SPECC1L: variants seen among roughly 807,000 people sequenced by gnomAD.
The protein encoded by SPECC1L is sperm antigen with calponin homology and coiled-coil domains 1 like.
Under a neutral mutation model 116.8 loss-of-function variants are expected in SPECC1L, and 40 were observed. That is an observed-to-expected ratio of 0.34 (90% CI 0.27 to 0.45). SPECC1L has a LOEUF of 0.45. SPECC1L is among the 20% of genes least tolerant of loss of function. SPECC1L has a pLI of 1.00. For missense variants in SPECC1L, 1,110 were observed against 1,373.6 expected (o/e 0.81, Z 3.03); for synonymous variants, 504 against 500.6 (o/e 1.01, Z -0.09).
At chr22:24,349,232 G>T (rs1166863184) in intron 11 of SPECC1L, among the ~76,000 whole-genome samples, 4 of 152,092 alleles carry the variant, frequency 2.6e-5, no homozygotes, top group Admixed American at 6.5e-5. Flanking sequence ...GTAGAGACGG[G>T]GTTTTGCCAT....
rs55839933 is a variant in SPECC1L, at chr22:24,355,949, A to G, written c.2744-7312A>G. On this transcript the variant is annotated intron_variant, in intron 11 of 16. Coordinates refer to ENST00000314328, the MANE Select transcript of SPECC1L (RefSeq NM_015330.6). ...ACACAGTTCTGTACACAAGAGTTCCATCACCCCCAAAATTCCTTCATGCTG... is the reference window on the plus strand; with the variant it reads ...ACACAGTTCTGTACACAAGAGTTCCGTCACCCCCAAAATTCCTTCATGCTG... Among the ~76,000 whole-genome samples, 1,119 of 151,918 alleles carry G rather than the reference A, an allele frequency of 7.4e-3. 5 individuals carry two copies. The highest frequency in any genetic ancestry group is 0.012 in the South Asian group (59 of 4,814).
At chr22:24,281,628 G>A (rs936973540) in intron 2 of SPECC1L, among the ~76,000 whole-genome samples, 5 of 151,978 alleles carry the variant, frequency 3.3e-5, no homozygotes, top group Admixed American at 6.6e-5. Flanking sequence ...ATAATACTTG[G>A]TTTTTGTGTA....
At chr22:24,323,909 A>G (rs1289333877) in intron 5 of SPECC1L, among the ~76,000 whole-genome samples, 3 of 152,356 alleles carry the variant, frequency 2.0e-5, no homozygotes, top group African/African-American at 7.2e-5. Context: ...CATTAAACAA[A>G]CGTACATGCT....
rs186867257 is a variant in SPECC1L, at chr22:24,355,920, A to C, written c.2744-7341A>C. ...CACATAGCCATTTGTCTGTCATCAT[A>C]GTTACACAGTTCTGTACACAAGAGT... On this transcript the variant is annotated intron_variant, in intron 11 of 16. Transcript: ENST00000314328. Among the ~76,000 whole-genome samples the C allele has an allele frequency of 7.3e-4, 111 of 151,430 alleles. 1 individual carries two copies. Among genetic ancestry groups the C allele is most frequent in the African/African-American group, 2.6e-3 (107 of 41,218 alleles).
At chr22:24,375,318 A>C (rs886153559) in intron 14 of SPECC1L, among the ~76,000 whole-genome samples, 1 of 152,298 alleles carries the variant, frequency 6.6e-6, no homozygotes, top group East Asian at 1.9e-4. Flanking sequence ...TTCCTAACTC[A>C]TTCTGTGAGG....
chr22:24,401,265 G>C (rs2042468059), intron 14 of SPECC1L, among the ~76,000 whole-genome samples: 1 of 152,160 alleles, frequency 6.6e-6, no homozygotes, highest in East Asian at 1.9e-4. Flanking sequence ...GGGATTGATT[G>C]TGCATCCTAC....
At chr22:24,344,616 AAAAG>A (rs796376197) in intron 10 of SPECC1L, among the ~76,000 whole-genome samples, 1 of 151,682 alleles carries the variant, frequency 6.6e-6, no homozygotes, top group South Asian at 2.1e-4. Context: ...AAAAAGAAAG[AAAAG>A]CATACAAGTT....
chr22:24,406,518 C>T (rs1374209256), intron 14 of SPECC1L, among the ~76,000 whole-genome samples: 6 of 152,182 alleles, frequency 3.9e-5, no homozygotes, highest in African/African-American at 1.4e-4. Flanking sequence ...CTGTGCTCCC[C>T]TGGCAGCCTG....
In SPECC1L at chr22:24,411,699, G is replaced by A. The variant is rs1312433009; in HGVS notation, c.3199G>A (p.Asp1067Asn). ...TCCATATCAAGAACTGAACAGCCAGGATAAGGTAGGCCATGGAGGGCCAGC... is the reference window on the plus strand; with the variant it reads ...TCCATATCAAGAACTGAACAGCCAGAATAAGGTAGGCCATGGAGGGCCAGC... Reference protein sequence around the residue: ...HIPYQELNSQDKRRNFMLAFQ... With the variant: ...HIPYQELNSQNKRRNFMLAFQ... The change falls in exon 15 of 17, where the codon GAT becomes AAT. Residue 1067 changes from aspartate to asparagine, a missense_variant. Physicochemically the swap from Asp to Asn is conservative, Grantham distance 23. Around this residue, in one of 4 missense-constraint regions of SPECC1L, gnomAD observed 76 missense variants for 148.5 expected, o/e 0.51. Transcript: ENST00000314328. The A allele has an allele frequency of 6.2e-7, 1 of 1,612,720 alleles. No homozygotes were observed. Among genetic ancestry groups the A allele is most frequent in the Non-Finnish European group, 8.5e-7 (1 of 1,179,656 alleles).
Position 24,320,667 on chromosome 22 carries a change from T to C in SPECC1L, c.308-621T>C, listed in dbSNP as rs140800688. 5.3e-5 allele frequency among the ~76,000 whole-genome samples: 8 copies of C among 152,352 alleles called. No individual in the cohort carries two copies. The East Asian group carries it at 1.5e-3, about 29-fold the overall frequency. On this transcript the variant is annotated intron_variant, in intron 4 of 16. Coordinates refer to ENST00000314328, the MANE Select transcript of SPECC1L (RefSeq NM_015330.6). ...TAAGTTAATGTATGTGAAGTGTTAA[T>C]GTATTTGTATAACCAAGTGCTAGGT... is the stretch of plus-strand genomic sequence containing the variant.
At position 24,366,569 on chromosome 22, in the gene SPECC1L, C is replaced by G. The variant is rs150063260; in HGVS notation, c.2984+937C>G. On this transcript the variant is annotated intron_variant, in intron 13 of 16. Transcript: ENST00000314328. ...AAGTGATGTAAATAAATTATCATGT[C>G]TGGATCAGTGTGATAACAGTGGAAA... is the stretch of plus-strand genomic sequence containing the variant. Among the ~76,000 whole-genome samples the G allele has an allele frequency of 4.6e-5, 7 of 152,186 alleles. No homozygotes were observed. The East Asian group carries it at 1.2e-3, about 25-fold the overall frequency.
At chr22:24,380,033 G>T (rs2042036307) in intron 14 of SPECC1L, among the ~76,000 whole-genome samples, 1 of 152,102 alleles carries the variant, frequency 6.6e-6, no homozygotes, top group Non-Finnish European at 1.5e-5. Flanking sequence ...ACCCCGCCCA[G>T]CTAATTTTTG....
intron 4 of SPECC1L, among the ~76,000 whole-genome samples, chr22:24,315,057 A>G (rs1601539140): frequency 6.6e-6 from 1 of 152,396 alleles, no homozygotes; most frequent in South Asian, 2.1e-4. Context: ...AGTAAACATA[A>G]GATCAAGTGT....
intron 2 of SPECC1L, among the ~76,000 whole-genome samples, chr22:24,295,657 G>C (rs1240297331): frequency 6.6e-6 from 1 of 152,014 alleles, no homozygotes; most frequent in Non-Finnish European, 1.5e-5. Flanking sequence ...TGTTGATTAA[G>C]AATACCAGCA....
At chr22:24,381,560 C>T (rs1005148151) in intron 14 of SPECC1L, among the ~76,000 whole-genome samples, 5 of 152,106 alleles carry the variant, frequency 3.3e-5, no homozygotes, top group Non-Finnish European at 5.9e-5. Flanking sequence ...TTATGCTTTA[C>T]TTGAATTCTA....
At position 24,294,621 on chromosome 22, in the gene SPECC1L, G is replaced by C. The variant is rs552720213; in HGVS notation, c.-37-7574G>C. The stretch of plus-strand genomic sequence containing the variant: ...TGGTCTCAAACTTCTGACCTCACTT[G>C]ATCCACCTGCCTCGGCCTCCCAAAG... On this transcript the variant is annotated intron_variant, in intron 2 of 16. Coordinates refer to ENST00000314328, the MANE Select transcript of SPECC1L (RefSeq NM_015330.6). 1.1e-4 allele frequency among the ~76,000 whole-genome samples: 16 copies of C among 152,008 alleles called. No homozygotes were observed. In the South Asian group the frequency reaches 3.1e-3, roughly 30 times the overall value.
At chr22:24,380,493 C>T (rs1312551949) in intron 14 of SPECC1L, among the ~76,000 whole-genome samples, 2 of 152,196 alleles carry the variant, frequency 1.3e-5, no homozygotes, top group Admixed American at 6.5e-5. Context: ...GTCTAATCAA[C>T]GGAGATAGAT....
intron 3 of SPECC1L, among the ~76,000 whole-genome samples, chr22:24,307,382 C>T (rs569657190): frequency 6.6e-6 from 1 of 152,174 alleles, no homozygotes; most frequent in East Asian, 1.9e-4. Context: ...ATTTGTGGTT[C>T]TTTACCTCTT....
rs545387498 is a variant in SPECC1L, at chr22:24,349,076, T to G, written c.2743+1900T>G. Among the ~76,000 whole-genome samples the G allele has an allele frequency of 3.3e-5, 5 of 152,268 alleles. No homozygotes were observed. The South Asian group carries it at 1.0e-3, about 32-fold the overall frequency. ...GTTTTTTTGAGACAGAGTCTCACTCTGTCGCCCAGGCTGTAGTGCAGTGGC... is the reference window on the plus strand; with the variant it reads ...GTTTTTTTGAGACAGAGTCTCACTCGGTCGCCCAGGCTGTAGTGCAGTGGC... On this transcript the variant is annotated intron_variant, in intron 11 of 16. Transcript: ENST00000314328.
Sources: gnomAD v4.1 joint callset for allele counts (sites outside exome capture counted in the v4.1 genomes callset) on GRCh38, gnomAD v4.1.1 for gene constraint, gnomAD v4.1.1 regional missense constraint, MANE v1.5 for transcripts, NCBI Gene and HGNC (gene_info 2026-07-23, HGNC 2026-07-21) for gene names.